SLC44A5: variants seen among roughly 807,000 people sequenced by gnomAD.
SLC44A5 encodes the protein solute carrier family 44 member 5, also known as choline transporter-like protein 5.
A neutral mutation model predicts 101.8 loss-of-function variants in SLC44A5; 57 were observed. That is an observed-to-expected ratio of 0.56 (90% CI 0.45 to 0.70). The LOEUF is 0.70. Among genes scored for constraint, SLC44A5 ranks in the 30% least tolerant of loss-of-function variants. The pLI is 0.00. For synonymous variants in SLC44A5, 281 were observed against 290.9 expected (o/e 0.97, Z 0.35); for missense variants, 737 against 853.1 (o/e 0.86, Z 1.70).
intron 1 of SLC44A5, among the ~76,000 whole-genome samples, chr1:75,566,116 A>G (rs1324306975): frequency 6.6e-6 from 1 of 152,214 alleles, no homozygotes; most frequent in Non-Finnish European, 1.5e-5. Context: ...TGTGAGAACC[A>G]GGAGGAAATG....
chr1:75,317,785 G>A (rs1655807532), intron 4 of SLC44A5, among the ~76,000 whole-genome samples: 1 of 152,110 alleles, frequency 6.6e-6, no homozygotes, highest in African/African-American at 2.4e-5. Context: ...CACAGAGAAA[G>A]AGCACTAGCT....
intron 3 of SLC44A5, among the ~76,000 whole-genome samples, chr1:75,344,028 G>A (rs1658073687): frequency 6.6e-6 from 1 of 152,022 alleles, no homozygotes; most frequent in South Asian, 2.1e-4. Flanking sequence ...ATGCAATTCT[G>A]TACTATGTAT....
rs1208765421 is a variant in SLC44A5 at position 75,242,151 on chromosome 1, T to G, written c.472-90A>C. On this transcript the variant is annotated intron_variant, in intron 8 of 23. Transcript: ENST00000370859. ...AAATATGTCCTTTAAAAAATTTAAC[T>G]CCATAATAATCTCCTTATTTCAAAT... The G allele has an allele frequency of 1.0e-5, 9 of 867,780 alleles. No homozygotes were observed. In the Admixed American group the frequency reaches 2.0e-4, roughly 19 times the overall value. The allele number at this position is 867,780 out of a possible 1,614,324, so 53.8% of individuals were successfully genotyped here.
At chr1:75,519,214 T>C (rs139863873) in intron 2 of SLC44A5, among the ~76,000 whole-genome samples, 2 of 152,066 alleles carry the variant, frequency 1.3e-5, no homozygotes, top group Non-Finnish European at 2.9e-5. Flanking sequence ...TCAGGAGAGA[T>C]ATTTCTTAGT....
rs147951895 is a variant in SLC44A5, at chr1:75,401,741, G to A, written c.14-5120C>T. Among the ~76,000 whole-genome samples the A allele has an allele frequency of 2.8e-4, 43 of 152,198 alleles. No individual in the cohort carries two copies. The East Asian group carries it at 8.1e-3, about 29-fold the overall frequency. Reference sequence around the variant, plus strand: ...CTTGTAAACATATATACTGCAGCACGGAGGTTTGAGATGGACCTGAGGCTG... The same window carrying A: ...CTTGTAAACATATATACTGCAGCACAGAGGTTTGAGATGGACCTGAGGCTG... On this transcript the variant is annotated intron_variant, in intron 2 of 23. Transcript: ENST00000370859.
chr1:75,310,056 A>C (rs1273345456), intron 4 of SLC44A5, among the ~76,000 whole-genome samples: 1 of 152,238 alleles, frequency 6.6e-6, no homozygotes, highest in African/African-American at 2.4e-5. Flanking sequence ...GATAAAACTA[A>C]ATATTCCCTA....
At chr1:75,710,899 A>T in the SLC44A5 span, among the ~76,000 whole-genome samples, 1 of 152,178 alleles carries the variant, frequency 6.6e-6, no homozygotes, top group African/African-American at 2.4e-5. Flanking sequence ...CTATTTGAAG[A>T]TGTGAAGTTT....
intron 2 of SLC44A5, among the ~76,000 whole-genome samples, chr1:75,461,306 A>C (rs942089770): frequency 1.3e-5 from 2 of 152,216 alleles, no homozygotes; most frequent in African/African-American, 4.8e-5. Context: ...TTCATCTCTG[A>C]CAATTTTCAC....
chr1:75,301,012 A>G (rs979665565), intron 4 of SLC44A5, among the ~76,000 whole-genome samples: 1 of 152,106 alleles, frequency 6.6e-6, no homozygotes, highest in Non-Finnish European at 1.5e-5. Flanking sequence ...AATATAAGCT[A>G]TTTGATTTTA....
At chr1:75,583,972 G>A (rs1014262728) in intron 1 of SLC44A5, among the ~76,000 whole-genome samples, 3 of 152,240 alleles carry the variant, frequency 2.0e-5, no homozygotes, top group African/African-American at 7.2e-5. Context: ...GTATGGAGGA[G>A]ATTGTCACTC....
intron 1 of SLC44A5, among the ~76,000 whole-genome samples, chr1:75,605,818 C>T (rs536915744): frequency 1.3e-5 from 2 of 152,178 alleles, no homozygotes; most frequent in East Asian, 3.9e-4. Flanking sequence ...AGGGAAAGCT[C>T]CTGCTTCCGG....
intron 2 of SLC44A5, among the ~76,000 whole-genome samples, chr1:75,472,676 T>C (rs192548441): frequency 1.5e-4 from 23 of 152,318 alleles, no homozygotes; most frequent in Non-Finnish European, 2.9e-5. Flanking sequence ...GACTGTGCTC[T>C]CTTTAGATAA....
chr1:75,554,231 C>CT (rs1311336373), intron 1 of SLC44A5, among the ~76,000 whole-genome samples: 1 of 151,996 alleles, frequency 6.6e-6, no homozygotes, highest in Non-Finnish European at 1.5e-5. Flanking sequence ...AATCCCAGTG[C>CT]TTTGAGAGGC....
intron 4 of SLC44A5, among the ~76,000 whole-genome samples, chr1:75,338,584 A>G (rs1190632233): frequency 1.3e-5 from 2 of 152,210 alleles, no homozygotes; most frequent in Non-Finnish European, 2.9e-5. Flanking sequence ...TTTGTATACT[A>G]GACAACAAAA....
intron 4 of SLC44A5, among the ~76,000 whole-genome samples, chr1:75,314,249 C>G (rs1655526710): frequency 6.6e-6 from 1 of 152,278 alleles, no homozygotes; most frequent in South Asian, 2.1e-4. Flanking sequence ...TTGTCTCCCC[C>G]TTTACTAGAC....
chr1:75,647,391 C>A, the SLC44A5 span, among the ~76,000 whole-genome samples: 39,767 of 152,112 alleles, frequency 0.26, 6,471 homozygotes, highest in East Asian at 0.68. Context: ...AAAATCTCTG[C>A]CACAGCACTG....
At chr1:75,580,784 G>C (rs1673643515) in intron 1 of SLC44A5, among the ~76,000 whole-genome samples, 1 of 150,390 alleles carries the variant, frequency 6.6e-6, no homozygotes, top group Non-Finnish European at 1.5e-5. Context: ...GTCGCAGTGA[G>C]CTGAGATCAA....
At chr1:75,603,072 T>C (rs1675076129) in intron 1 of SLC44A5, among the ~76,000 whole-genome samples, 1 of 152,110 alleles carries the variant, frequency 6.6e-6, no homozygotes, top group African/African-American at 2.4e-5. Context: ...GTACAGTTGA[T>C]CCTGTCACCT....
intron 4 of SLC44A5, among the ~76,000 whole-genome samples, chr1:75,306,624 A>G (rs1654918218): frequency 6.7e-6 from 1 of 150,150 alleles, no homozygotes; most frequent in Non-Finnish European, 1.5e-5. Flanking sequence ...ATAAGTGCAT[A>G]TTTTGGTTTC....
Sources: allele counts gnomAD v4.1 joint callset (sites outside exome capture counted in the v4.1 genomes callset), GRCh38; gene constraint gnomAD v4.1.1; transcripts MANE v1.5; gene names NCBI Gene and HGNC (gene_info 2026-07-23, HGNC 2026-07-21).